Variants in GNAQ observed in about 807,000 individuals in gnomAD.
The protein encoded by GNAQ is guanine nucleotide-binding protein G(q) subunit alpha.
Under a neutral mutation model 43.9 loss-of-function variants are expected in GNAQ, and 8 were observed. The ratio of observed to expected loss-of-function variants is 0.18; its 90% confidence interval spans 0.11 to 0.33. The LOEUF is 0.33. Ranked by LOEUF, GNAQ falls within the 10% of genes least tolerant of loss-of-function variation. GNAQ has a pLI of 1.00. For synonymous variants in GNAQ, 155 were observed against 170.7 expected (o/e 0.91, Z 0.71); for missense variants, 158 against 450.8 (o/e 0.35, Z 5.88).
rs113840423 is a variant in GNAQ, at chr9:77,864,168, C to CTT, written c.322-48400_322-48399dup. On this transcript the variant is annotated intron_variant, in intron 2 of 6. Coordinates refer to ENST00000286548, the MANE Select transcript of GNAQ (RefSeq NM_002072.5). ...AGAAAGAGGGGAGGAAGGTGCCAGG[C>CTT]TTTTTTTTTTTTTTTTTTAAACAAT... is the stretch of plus-strand genomic sequence containing the variant. Among the ~76,000 whole-genome samples, 997 of 131,344 alleles carry CTT rather than the reference C, an allele frequency of 7.6e-3. 13 individuals are homozygous for CTT. Among genetic ancestry groups the CTT allele is most frequent in the African/African-American group, 0.024 (833 of 35,434 alleles). The allele number at this position is 131,344 out of a possible 152,430, so 86.2% of individuals were successfully genotyped here. A position where few individuals can be genotyped will look rare whatever the true frequency, so the allele number is the denominator to read the frequency against.
intron 2 of GNAQ, among the ~76,000 whole-genome samples, chr9:77,852,052 A>G (rs1827681419): frequency 6.6e-6 from 1 of 152,172 alleles, no homozygotes; most frequent in Non-Finnish European, 1.5e-5. Flanking sequence ...TGTAATGGGG[A>G]TCAACTGCTG....
intron 5 of GNAQ, among the ~76,000 whole-genome samples, chr9:77,774,000 T>A (rs1170284394): frequency 6.6e-6 from 1 of 152,154 alleles, no homozygotes; most frequent in East Asian, 1.9e-4. Flanking sequence ...TTCTTCTTTT[T>A]TTTTTTTAAA....
chr9:77,879,240 C>T (rs977465174), intron 2 of GNAQ, among the ~76,000 whole-genome samples: 5 of 152,072 alleles, frequency 3.3e-5, no homozygotes, highest in Non-Finnish European at 7.4e-5. Flanking sequence ...ATTGTTCTTA[C>T]TGGATGCTGG....
chr9:77,802,806 C>T (rs1390776849), intron 3 of GNAQ, among the ~76,000 whole-genome samples: 2 of 152,144 alleles, frequency 1.3e-5, no homozygotes, highest in East Asian at 3.9e-4. Flanking sequence ...GTCTAGGAGA[C>T]AAGCTATTCA....
intron 1 of GNAQ, among the ~76,000 whole-genome samples, chr9:77,935,883 C>T (rs1829223919): frequency 6.6e-6 from 1 of 152,144 alleles, no homozygotes; most frequent in African/African-American, 2.4e-5. Flanking sequence ...CAATAGTCAA[C>T]CTAAGCCTAA....
intron 1 of GNAQ, among the ~76,000 whole-genome samples, chr9:77,948,560 G>C (rs979198229): frequency 2.6e-5 from 4 of 152,164 alleles, no homozygotes; most frequent in Admixed American, 6.5e-5. Flanking sequence ...GGGCAGCCTA[G>C]GCCTGTGCAT....
intron 2 of GNAQ, among the ~76,000 whole-genome samples, chr9:77,839,175 A>G (rs1242446535): frequency 2.6e-5 from 4 of 152,216 alleles, no homozygotes; most frequent in South Asian, 4.1e-4. Context: ...TAGCTGCTAC[A>G]GCAGCTGGTG....
intron 5 of GNAQ, among the ~76,000 whole-genome samples, chr9:77,761,209 A>C: frequency 7.6e-6 from 1 of 130,858 alleles, no homozygotes; most frequent in Non-Finnish European, 1.6e-5. Context: ...GCCTCTGCCC[A>C]GCTGCCCCTA....
intron 1 of GNAQ, among the ~76,000 whole-genome samples, chr9:78,002,108 T>C (rs1364329390): frequency 6.6e-6 from 1 of 152,252 alleles, no homozygotes; most frequent in African/African-American, 2.4e-5. Context: ...TTTCTTTGCA[T>C]TCCTTTGACA....
At chr9:77,903,870 G>A (rs550628056) in intron 2 of GNAQ, among the ~76,000 whole-genome samples, 4 of 152,172 alleles carry the variant, frequency 2.6e-5, no homozygotes, top group Middle Eastern at 3.4e-3. Flanking sequence ...CCTAAAACCC[G>A]TGCCTGTTTC....
intron 5 of GNAQ, among the ~76,000 whole-genome samples, chr9:77,746,766 C>T (rs1467073114): frequency 6.6e-6 from 1 of 151,786 alleles, no homozygotes; most frequent in Non-Finnish European, 1.5e-5. Context: ...TGATTTTTAC[C>T]TACCATAATA....
chr9:77,957,223 G>A (rs1338587419), intron 1 of GNAQ, among the ~76,000 whole-genome samples: 3 of 152,090 alleles, frequency 2.0e-5, no homozygotes, highest in Non-Finnish European at 2.9e-5. Flanking sequence ...AGGTGTGGTG[G>A]TGTGTGCCTG....
intron 2 of GNAQ, among the ~76,000 whole-genome samples, chr9:77,902,276 T>C (rs568613703): frequency 6.6e-6 from 1 of 152,366 alleles, no homozygotes; most frequent in Non-Finnish European, 1.5e-5. Context: ...CTTGTTATCA[T>C]AATAATTAAT....
intron 5 of GNAQ, among the ~76,000 whole-genome samples, chr9:77,741,468 T>C (rs1825653407): frequency 6.6e-6 from 1 of 152,232 alleles, no homozygotes; most frequent in South Asian, 2.1e-4. Flanking sequence ...TTTTTCTTCA[T>C]AGTTCTTGGT....
At chr9:77,762,028 T>C (rs1826040651) in intron 5 of GNAQ, among the ~76,000 whole-genome samples, 1 of 116,044 alleles carries the variant, frequency 8.6e-6, no homozygotes, top group Non-Finnish European at 1.8e-5. Flanking sequence ...TCCTGGGAAG[T>C]GAGGAGCCCC....
chr9:77,770,528 G>A (rs1465505264), intron 5 of GNAQ, among the ~76,000 whole-genome samples: 1 of 152,224 alleles, frequency 6.6e-6, no homozygotes, highest in Admixed American at 6.5e-5. Context: ...CCTCCCACTA[G>A]TGTTTTCTCG....
At chr9:77,770,341 C>T (rs1318444260) in intron 5 of GNAQ, among the ~76,000 whole-genome samples, 1 of 152,110 alleles carries the variant, frequency 6.6e-6, no homozygotes, top group Non-Finnish European at 1.5e-5. Context: ...GTGCCCAGTG[C>T]TTGCAGGATT....
intron 1 of GNAQ, among the ~76,000 whole-genome samples, chr9:78,003,860 A>C (rs1213410224): frequency 6.6e-6 from 1 of 152,020 alleles, no homozygotes; most frequent in Non-Finnish European, 1.5e-5. Context: ...ACTGCACCAT[A>C]AACTGCACTT....
chr9:77,861,084 G>T (rs992030710), intron 2 of GNAQ, among the ~76,000 whole-genome samples: 1 of 152,198 alleles, frequency 6.6e-6, no homozygotes, highest in Non-Finnish European at 1.5e-5. Context: ...AGTTCCATGT[G>T]GCTGGGGAGG....
Sources: allele counts gnomAD v4.1 joint callset (sites outside exome capture counted in the v4.1 genomes callset), GRCh38; gene constraint gnomAD v4.1.1; transcripts MANE v1.5; gene names NCBI Gene and HGNC (gene_info 2026-07-23, HGNC 2026-07-21).